The following TACC2 variants were observed in gnomAD, a reference collection of about 807,000 sequenced individuals.
The protein encoded by TACC2 is transforming acidic coiled-coil containing protein 2, also known as transforming acidic coiled-coil-containing protein 2.
A neutral mutation model predicts 227.3 loss-of-function variants in TACC2; 137 were observed. That is an observed-to-expected ratio of 0.60 (90% CI 0.52 to 0.69). The LOEUF is 0.69. Ranked by LOEUF, TACC2 falls within the 30% of genes least tolerant of loss-of-function variation. The pLI, the probability that TACC2 is intolerant of heterozygous loss-of-function variation, is 0.00. For synonymous variants in TACC2, 1,523 were observed against 1,487.5 expected, an observed-to-expected ratio of 1.02 and a Z score of -0.55; for missense variants, 3,470 against 3,694.4, an observed-to-expected ratio of 0.94 and a Z score of 1.57.
chr10:122,068,911 G>T (rs1212495078), intron 3 of TACC2, among the ~76,000 whole-genome samples: 2 of 146,054 alleles, frequency 1.4e-5, no homozygotes, highest in African/African-American at 5.1e-5. Flanking sequence ...TATTGGCTTG[G>T]CTGGTCTCGA....
intron 5 of TACC2, among the ~76,000 whole-genome samples, chr10:122,116,639 G>A (rs893428429): frequency 2.9e-4 from 44 of 152,164 alleles, no homozygotes; most frequent in Non-Finnish European, 1.5e-5. Flanking sequence ...AAACTGTAAA[G>A]GGCTGTGCAA....
At chr10:122,165,007 G>A (rs1246951129) in intron 7 of TACC2, among the ~76,000 whole-genome samples, 1 of 152,132 alleles carries the variant, frequency 6.6e-6, no homozygotes, top group Non-Finnish European at 1.5e-5. Flanking sequence ...CTGGCTCGGC[G>A]TAGTGATGTA....
In TACC2 at chr10:122,166,193, T is replaced by A. The variant is rs79650536; in HGVS notation, c.5834+22487T>A. ...CCGGAATCTAGAGTGAATGTTTCCC[T>A]TTTTCTCTGCTGGTTCCCTGTGAAA... On this transcript the variant is annotated intron_variant, in intron 7 of 22. Transcript: ENST00000369005. 8.4e-3 allele frequency among the ~76,000 whole-genome samples: 1,277 copies of A among 152,274 alleles called. 14 individuals are homozygous for A. The highest frequency in any genetic ancestry group is 0.028 in the African/African-American group (1,162 of 41,550).
chr10:122,132,503 C>G (rs572473833), intron 5 of TACC2, 106 bp from the exon 6 acceptor site: 2 of 1,340,670 alleles, frequency 1.5e-6, no homozygotes, highest in East Asian at 2.3e-5. Context: ...GAGCGGAGAT[C>G]GCGCCATTGC....
chr10:122,083,057 C>T lies in TACC2; in HGVS notation c.557C>T (p.Ser186Phe). 1.2e-6 allele frequency: 2 copies of T among 1,612,752 alleles called. No homozygotes were observed. The highest frequency in any genetic ancestry group is 1.6e-4 in the Middle Eastern group (1 of 6,062). ...ERQPKEEGQKSSFSFSSGIDQ... is the reference protein window; with the variant it reads ...ERQPKEEGQKFSFSFSSGIDQ... ...CAGCCGAAGGAAGAAGGACAGAAGTCCTCCTTCTCCTTCTCCAGTGGCATC... is the reference window on the plus strand; with the variant it reads ...CAGCCGAAGGAAGAAGGACAGAAGTTCTCCTTCTCCTTCTCCAGTGGCATC... The change falls in exon 4 of 23, where the codon TCC becomes TTC. Residue 186 changes from serine to phenylalanine, a missense_variant. Around this residue, in one of 10 missense-constraint regions of TACC2, gnomAD observed 405 missense variants for 389.6 expected, o/e 1.04. Coordinates refer to ENST00000369005, the MANE Select transcript of TACC2 (RefSeq NM_206862.4).
chr10:122,168,519 T>C (rs116979936), intron 7 of TACC2, among the ~76,000 whole-genome samples: 3,262 of 152,272 alleles, frequency 0.021, 44 homozygotes, highest in Non-Finnish European at 0.034. Context: ...CTTCACTATC[T>C]TCTCTGGGGG....
At chr10:122,148,942 C>G (rs2091728069) in intron 7 of TACC2, among the ~76,000 whole-genome samples, 1 of 152,238 alleles carries the variant, frequency 6.6e-6, no homozygotes, top group Non-Finnish European at 1.5e-5. Context: ...GCTGCAGTCA[C>G]CACGCTTCTG....
chr10:122,109,663 G>A (rs1331166769), intron 5 of TACC2, among the ~76,000 whole-genome samples: 2 of 152,226 alleles, frequency 1.3e-5, no homozygotes, highest in Non-Finnish European at 2.9e-5. Context: ...ATTAACTGAT[G>A]CAGTGATGCT....
intron 2 of TACC2, among the ~76,000 whole-genome samples, chr10:122,032,171 C>T (rs1304051469): frequency 6.6e-6 from 1 of 152,184 alleles, no homozygotes; most frequent in African/African-American, 2.4e-5. Flanking sequence ...GTATACCAGC[C>T]CCTTCAATAT....
intron 2 of TACC2, among the ~76,000 whole-genome samples, chr10:122,034,400 T>TC (rs1959541825): frequency 6.6e-6 from 1 of 152,108 alleles, no homozygotes; most frequent in African/African-American, 2.4e-5. Flanking sequence ...GGAAGGATAA[T>TC]CATCCCAGGT....
At chr10:122,133,499 A>T (rs1400894455) in intron 6 of TACC2, among the ~76,000 whole-genome samples, 1 of 152,152 alleles carries the variant, frequency 6.6e-6, no homozygotes, top group Non-Finnish European at 1.5e-5. Context: ...GTACACGTGT[A>T]TGTCTACATG....
intron 5 of TACC2, among the ~76,000 whole-genome samples, chr10:122,110,416 A>G (rs1424939625): frequency 1.3e-5 from 2 of 152,110 alleles, no homozygotes; most frequent in African/African-American, 4.8e-5. Flanking sequence ...AGGATCAGAG[A>G]TGTGTGGGTT....
At chr10:122,013,926 G>C (rs930367446) in intron 1 of TACC2, among the ~76,000 whole-genome samples, 1 of 152,072 alleles carries the variant, frequency 6.6e-6, no homozygotes, top group Non-Finnish European at 1.5e-5. Flanking sequence ...CTTTGGAGAG[G>C]GTGGTCTTCA....
At chr10:122,100,263 C>CAA (rs369379710) in intron 5 of TACC2, among the ~76,000 whole-genome samples, 4 of 107,216 alleles carry the variant, frequency 3.7e-5, no homozygotes, top group South Asian at 3.1e-4. Flanking sequence ...GACTCTGTCT[C>CAA]AAAAAAAAAA....
chr10:122,006,158 T>G (rs1416321904), intron 1 of TACC2, among the ~76,000 whole-genome samples: 1 of 152,012 alleles, frequency 6.6e-6, no homozygotes, highest in African/African-American at 2.4e-5. Flanking sequence ...TTTTAAAAAA[T>G]AGGATGCTGG....
At position 122,195,135 on chromosome 10, in the gene TACC2, C is replaced by T. The variant is rs1313463255; in HGVS notation, c.5930C>T (p.Pro1977Leu). ...CCCCCACCACCCCCCGAAGTCATCCCAGAACCCGAGGTCAGCACACAGCCA... is the reference window on the plus strand; with the variant it reads ...CCCCCACCACCCCCCGAAGTCATCCTAGAACCCGAGGTCAGCACACAGCCA... ...APPPPPPEVI[P>L]EPEVSTQPPP... Residue 1977 changes from proline (P) to leucine (L), a missense_variant, in exon 8 of 23, where the codon CCA (proline) becomes CTA (leucine). Physicochemically the swap from Pro to Leu is moderately conservative, Grantham distance 98 (BLOSUM62 -3). Transcript: ENST00000369005. The T allele has an allele frequency of 1.9e-6, 3 of 1,613,252 alleles. No individual in the cohort carries two copies. Among genetic ancestry groups the T allele is most frequent in the African/African-American group, 1.3e-5 (1 of 74,848 alleles).
Position 122,087,417 on chromosome 10 carries a change from G to C in TACC2, c.4917G>C (p.Glu1639Asp). The change falls in exon 4 of 23, where the codon GAG becomes GAC. Residue 1639 changes from glutamate to aspartate, a missense_variant. Coordinates refer to ENST00000369005, the MANE Select transcript of TACC2 (RefSeq NM_206862.4). ...RSTCAPSPQR[E>D]VLTVPEANSE... The stretch of plus-strand genomic sequence containing the variant: ...CGTGTGCCCCTTCTCCTCAGAGGGA[G>C]GTTTTGACTGTGCCTGAGGCCAACA... 1 of 1,614,066 alleles carries C rather than the reference G, an allele frequency of 6.2e-7. No homozygotes were observed. Among genetic ancestry groups the C allele is most frequent in the South Asian group, 1.1e-5 (1 of 91,092 alleles).
At chr10:122,073,126 A>AATATATATATATAT (rs1167084872) in intron 3 of TACC2, among the ~76,000 whole-genome samples, 7 of 71,016 alleles carry the variant, frequency 9.9e-5, no homozygotes, top group African/African-American at 3.1e-4. Context: ...AAAAAAAAAA[A>AATATATATATATAT]ATATATATAT....
At chr10:122,212,668 T>C (rs2095320381) in intron 9 of TACC2, among the ~76,000 whole-genome samples, 1 of 152,150 alleles carries the variant, frequency 6.6e-6, no homozygotes, top group Admixed American at 6.5e-5. Flanking sequence ...CAGAACGACA[T>C]GTTTACCTCC....
Sources: allele counts gnomAD v4.1 joint callset (sites outside exome capture counted in the v4.1 genomes callset), GRCh38; gene constraint gnomAD v4.1.1; regional missense constraint gnomAD v4.1.1; transcripts MANE v1.5; gene names NCBI Gene and HGNC (gene_info 2026-07-23, HGNC 2026-07-21).